The following NUF2 variants were observed in gnomAD, a reference collection of about 807,000 sequenced individuals.
NUF2 encodes NUF2 component of NDC80 kinetochore complex, also known as kinetochore protein Nuf2.
NUF2 carries 34 observed loss-of-function variants against 61.8 expected under a neutral mutation model. The observed-to-expected ratio is 0.55, with a 90% CI of 0.42 to 0.73. The LOEUF is 0.73. Ranked by LOEUF, NUF2 falls within the 30% of genes least tolerant of loss-of-function variation. NUF2 has a pLI of 0.00. For missense variants in NUF2, 445 were observed against 539.1 expected (o/e 0.83, Z 1.73); for synonymous variants, 172 against 181.6 (o/e 0.95, Z 0.42).
rs531501282 is a variant in NUF2, at chr1:163,344,453, C to T, written c.807+583C>T. On this transcript the variant is annotated intron_variant, in intron 10 of 13. Coordinates refer to ENST00000271452, the MANE Select transcript of NUF2 (RefSeq NM_145697.3). ...GGAAGAATGCTACCATTCTTCAGAT[C>T]GTAGCATAAAAAAAAAGACGCTTTT... is the stretch of plus-strand genomic sequence containing the variant. 1.6e-4 allele frequency among the ~76,000 whole-genome samples: 20 copies of T among 126,422 alleles called. No individual in the cohort carries two copies. In the East Asian group the frequency reaches 4.0e-3, roughly 25 times the overall value. 82.9% of individuals were successfully genotyped at this position (126,422 alleles called of 152,430 possible).
At chr1:163,343,352 A>G (rs1044314112) in intron 9 of NUF2, among the ~76,000 whole-genome samples, 1 of 152,224 alleles carries the variant, frequency 6.6e-6, no homozygotes, top group African/African-American at 2.4e-5. Context: ...AGGGATCAGT[A>G]CAAATTTAGC....
chr1:163,328,284 C>A lies in NUF2; in HGVS notation c.255C>A (p.Phe85Leu). The A allele has an allele frequency of 3.7e-6, 6 of 1,605,068 alleles. No individual in the cohort carries two copies. Among genetic ancestry groups the A allele is most frequent in the Non-Finnish European group, 5.1e-6 (6 of 1,174,008 alleles). Reference sequence around the variant, plus strand: ...ATTTAATGGAAGGCTTCTTACCATTCAGCAATTTAGTTACTCATCTGTGAG... The same window carrying A: ...ATTTAATGGAAGGCTTCTTACCATTAAGCAATTTAGTTACTCATCTGTGAG... ...YPHLMEGFLP[F>L]SNLVTHLDSF... Residue 85 changes from phenylalanine to leucine, a missense_variant, in exon 4 of 14, where the codon TTC becomes TTA. Physicochemically the swap from Phe to Leu is conservative, Grantham distance 22. Transcript: ENST00000271452.
intron 5 of NUF2, among the ~76,000 whole-genome samples, chr1:163,332,810 A>G (rs1241166949): frequency 6.6e-6 from 1 of 152,150 alleles, no homozygotes; most frequent in African/African-American, 2.4e-5. Context: ...CAAGATCTTC[A>G]ATTATACTTA....
intron 13 of NUF2, among the ~76,000 whole-genome samples, chr1:163,352,963 A>G (rs367606209): frequency 1.1e-3 from 164 of 152,322 alleles, no homozygotes; most frequent in African/African-American, 3.8e-3. Flanking sequence ...ACTTCTTTGA[A>G]GTATCTTTCT....
At chr1:163,326,873 G>A (rs1006984697) in intron 2 of NUF2, among the ~76,000 whole-genome samples, 6 of 151,950 alleles carry the variant, frequency 3.9e-5, no homozygotes, top group Admixed American at 6.6e-5. Context: ...AGATTACCAC[G>A]TTTTCCCTAT....
chr1:163,348,030 C>T lies in NUF2; in HGVS notation c.1124+92C>T, dbSNP rs116491450. 9.1e-3 allele frequency: 8,422 copies of T among 920,444 alleles called. 61 individuals are homozygous for T. The highest frequency in any genetic ancestry group is 0.011 in the Non-Finnish European group (6,973 of 649,320). 57.0% of individuals were successfully genotyped at this position (920,444 alleles called of 1,614,324 possible). A position where few individuals can be genotyped will look rare whatever the true frequency, so the allele number is the denominator to read the frequency against. On this transcript the variant is annotated intron_variant, in intron 12 of 13. Transcript: ENST00000271452. ...CAGGATTTCAAAACCTCGGTATTTT[C>T]CAAAAGAGTTTAAACAGCTTTATCT...
chr1:163,325,687 A>G (rs1280943211), intron 1 of NUF2, among the ~76,000 whole-genome samples: 2 of 152,006 alleles, frequency 1.3e-5, no homozygotes, highest in Non-Finnish European at 2.9e-5. Context: ...ATTAATTATT[A>G]GGATTGGTCT....
In NUF2 at chr1:163,339,363, CT is replaced by C; in HGVS notation, c.510-17del. On this transcript the variant is annotated splice_polypyrimidine_tract_variant and intron_variant, in intron 7 of 13. Transcript: ENST00000271452. ...CAAAAGTGAAGAGCAGTATTTTAAT[CT>C]ATTTTGCTGTGTTAAGTTCTGTTCC... 1 of 1,516,884 alleles carries C rather than the reference CT, an allele frequency of 6.6e-7. No individual in the cohort carries two copies. The highest frequency in any genetic ancestry group is 9.1e-7 in the Non-Finnish European group (1 of 1,097,760). The allele number at this position is 1,516,884 out of a possible 1,614,324, so 94.0% of individuals were successfully genotyped here.
chr1:163,339,271 AG>A lies in NUF2; in HGVS notation c.510-109del, dbSNP rs1274499722. Reference sequence around the variant, plus strand: ...ATTGCCACATGAAAGGGTGTAATTCAGAAACATAAAAGTAGACAATTTCTTC... The same window carrying A: ...ATTGCCACATGAAAGGGTGTAATTCAAAACATAAAAGTAGACAATTTCTTC... On this transcript the variant is annotated intron_variant, in intron 7 of 13. Transcript: ENST00000271452. The A allele has an allele frequency of 4.5e-6, 3 of 660,882 alleles. No individual in the cohort carries two copies. The East Asian group carries it at 8.2e-5, about 18-fold the overall frequency. The allele number at this position is 660,882 out of a possible 1,614,324, so 40.9% of individuals were successfully genotyped here.
Position 163,331,420 on chromosome 1 carries a change from T to A in NUF2, c.337+2513T>A, listed in dbSNP as rs149292185. 5.4e-4 allele frequency among the ~76,000 whole-genome samples: 82 copies of A among 152,058 alleles called. No homozygotes were observed. The East Asian group carries it at 0.014, about 26-fold the overall frequency. Reference sequence around the variant, plus strand: ...TTTGATTTGCTAATATTTTATTAAGTTTTTTTGTCTGTGTTCATGATGGAT... The same window carrying A: ...TTTGATTTGCTAATATTTTATTAAGATTTTTTGTCTGTGTTCATGATGGAT... On this transcript the variant is annotated intron_variant, in intron 5 of 13. Transcript: ENST00000271452.
Position 163,328,565 on chromosome 1 carries a change from G to A in NUF2, c.275+261G>A, listed in dbSNP as rs1163108550. 6 of 504,904 alleles carry A rather than the reference G, an allele frequency of 1.2e-5. No individual in the cohort carries two copies. The East Asian group carries it at 1.6e-4, about 13-fold the overall frequency. The allele number at this position is 504,904 out of a possible 1,614,324, so 31.3% of individuals were successfully genotyped here. On this transcript the variant is annotated intron_variant, in intron 4 of 13. Transcript: ENST00000271452. ...AAATTGTTTACCGTCTTTGTGAAGAGGTTTGAGTTCTTAAAAGAGTCTTAG... is the reference window on the plus strand; with the variant it reads ...AAATTGTTTACCGTCTTTGTGAAGAAGTTTGAGTTCTTAAAAGAGTCTTAG...
At chr1:163,329,284 T>C (rs1271268466) in intron 5 of NUF2, among the ~76,000 whole-genome samples, 2 of 152,212 alleles carry the variant, frequency 1.3e-5, no homozygotes, top group African/African-American at 4.8e-5. Context: ...ATTAAAAGAA[T>C]AGTCATAATG....
intron 4 of NUF2, 68 bp from the exon 5 acceptor site, chr1:163,328,778 A>G (rs1650507069): frequency 1.1e-6 from 1 of 950,086 alleles, no homozygotes; most frequent in Non-Finnish European, 1.7e-6. Context: ...TAAGATGTTT[A>G]TATCCTATAG....
intron 4 of NUF2, 145 bp from the exon 5 acceptor site, chr1:163,328,701 A>G: frequency 1.7e-6 from 1 of 601,138 alleles, no homozygotes; most frequent in South Asian, 2.2e-5. Flanking sequence ...AGGGTTATAC[A>G]TTATAGTAGA....
chr1:163,323,987 T>A (rs201867117), intron 1 of NUF2, among the ~76,000 whole-genome samples: 1 of 152,058 alleles, frequency 6.6e-6, no homozygotes, highest in Non-Finnish European at 1.5e-5. Context: ...CAGAGGCCAT[T>A]ATACTGTGCC....
intron 5 of NUF2, among the ~76,000 whole-genome samples, chr1:163,329,384 G>A (rs935550290): frequency 3.3e-5 from 5 of 152,078 alleles, no homozygotes; most frequent in Non-Finnish European, 7.4e-5. Flanking sequence ...AAGAGATTTG[G>A]TGTGTGTATT....
At chr1:163,334,957 T>G (rs1488507615) in intron 5 of NUF2, among the ~76,000 whole-genome samples, 1 of 152,006 alleles carries the variant, frequency 6.6e-6, no homozygotes, top group Non-Finnish European at 1.5e-5. Context: ...GTTTTGTTTT[T>G]TTTGTTTTTG....
At chr1:163,343,918 T>A in intron 10 of NUF2, 48 bp downstream of exon 10, 3 of 1,159,956 alleles carry the variant, frequency 2.6e-6, no homozygotes, top group Non-Finnish European at 3.5e-6. Context: ...AAAAAAAAAT[T>A]AGCAAATTCT....
At chr1:163,354,939 A>T (rs1571405504) in intron 13 of NUF2, among the ~76,000 whole-genome samples, 1 of 152,072 alleles carries the variant, frequency 6.6e-6, no homozygotes, top group Admixed American at 6.5e-5. Flanking sequence ...TACTTATTAA[A>T]TGTTTGCATA....
Sources: gnomAD v4.1 joint callset for allele counts (sites outside exome capture counted in the v4.1 genomes callset) on GRCh38, gnomAD v4.1.1 for gene constraint, MANE v1.5 for transcripts, NCBI Gene and HGNC (gene_info 2026-07-23, HGNC 2026-07-21) for gene names.